PTPRD: variants seen among roughly 807,000 people sequenced by gnomAD.
PTPRD encodes the protein receptor-type tyrosine-protein phosphatase delta.
PTPRD carries 34 observed loss-of-function variants against 214.5 expected under a neutral mutation model. That is an observed-to-expected ratio of 0.16 (90% CI 0.12 to 0.21). The LOEUF (loss-of-function observed/expected upper bound fraction) is 0.21, where lower values mean the gene tolerates loss of function less well. Among genes scored for constraint, PTPRD ranks in the 10% least tolerant of loss-of-function variants. The pLI is 1.00. For synonymous variants in PTPRD, 1,128 were observed against 845.7 expected, an observed-to-expected ratio of 1.33 and a Z score of -5.79; for missense variants, 2,545 against 2,398.7, an observed-to-expected ratio of 1.06 and a Z score of -1.27.
At chr9:8,743,095 A>T (rs1344399150) in intron 11 of PTPRD, among the ~76,000 whole-genome samples, 2 of 128,150 alleles carry the variant, frequency 1.6e-5, no homozygotes, top group African/African-American at 2.7e-5. Flanking sequence ...CAGAGGAAAA[A>T]TTCCAAATTA....
At chr9:10,095,303 A>C (rs914963340) in intron 3 of PTPRD, among the ~76,000 whole-genome samples, 2 of 151,540 alleles carry the variant, frequency 1.3e-5, no homozygotes, top group African/African-American at 4.8e-5. Flanking sequence ...GATGGAGCAT[A>C]ATATAGACTA....
chr9:9,458,381 T>A (rs1294980238), intron 8 of PTPRD, among the ~76,000 whole-genome samples: 1 of 152,126 alleles, frequency 6.6e-6, no homozygotes, highest in Non-Finnish European at 1.5e-5. Flanking sequence ...TATTTTTTAC[T>A]AACATTGTAT....
At chr9:8,754,866 C>G (rs2093852518) in intron 11 of PTPRD, among the ~76,000 whole-genome samples, 1 of 152,148 alleles carries the variant, frequency 6.6e-6, no homozygotes, top group Non-Finnish European at 1.5e-5. Flanking sequence ...TATTCTCTAT[C>G]CTTTTGGGGA....
intron 8 of PTPRD, among the ~76,000 whole-genome samples, chr9:9,462,404 T>G (rs1311441136): frequency 6.6e-6 from 1 of 152,108 alleles, no homozygotes; most frequent in African/African-American, 2.4e-5. Flanking sequence ...ACTAAAAGAT[T>G]TTGCAGAAAG....
chr9:8,918,110 A>C (rs934501974), intron 11 of PTPRD, among the ~76,000 whole-genome samples: 3 of 152,062 alleles, frequency 2.0e-5, no homozygotes, highest in African/African-American at 7.2e-5. Context: ...AATCACACTC[A>C]CCTGCTCGAG....
chr9:8,930,770 T>C, intron 11 of PTPRD, among the ~76,000 whole-genome samples: 1 of 152,326 alleles, frequency 6.6e-6, no homozygotes, highest in Non-Finnish European at 1.5e-5. Context: ...TTTTGAGAAG[T>C]GTCTGTTCAT....
chr9:9,755,065 T>C (rs1446248701), intron 6 of PTPRD, among the ~76,000 whole-genome samples: 1 of 151,964 alleles, frequency 6.6e-6, no homozygotes, highest in Non-Finnish European at 1.5e-5. Context: ...ATTTAAGGAA[T>C]AAGAAATTTT....
intron 3 of PTPRD, among the ~76,000 whole-genome samples, chr9:10,140,617 A>G (rs1043748842): frequency 6.6e-6 from 1 of 152,144 alleles, no homozygotes; most frequent in Non-Finnish European, 1.5e-5. Context: ...ATAGCTTACC[A>G]ACGAAAAAAG....
intron 2 of PTPRD, among the ~76,000 whole-genome samples, chr9:10,371,513 C>A (rs2097618443): frequency 6.6e-6 from 1 of 152,118 alleles, no homozygotes; most frequent in East Asian, 1.9e-4. Flanking sequence ...CTGCTCCAAA[C>A]TGAACAAGTT....
chr9:9,776,506 A>G (rs188923614), intron 5 of PTPRD, among the ~76,000 whole-genome samples: 1 of 152,332 alleles, frequency 6.6e-6, no homozygotes, highest in East Asian at 1.9e-4. Flanking sequence ...CACAACAGAC[A>G]CTGAGAAAAC....
Position 8,861,918 on chromosome 9 carries a change from A to G in PTPRD, c.-103-127972T>C, listed in dbSNP as rs568737136. The G allele has an allele frequency of 3.9e-5, 6 of 152,350 alleles. No individual in the cohort carries two copies. The South Asian group carries it at 1.2e-3, about 32-fold the overall frequency. The allele number at this position is 152,350 out of a possible 1,614,324, so 9.4% of individuals were successfully genotyped here. A position where few individuals can be genotyped will look rare whatever the true frequency, so the allele number is the denominator to read the frequency against. ...TATTGACTTACTGCTAAATACATAA[A>G]TGAAACAATAATAGTTTCAGTCCTC... On this transcript the variant is annotated intron_variant, in intron 11 of 45. Transcript: ENST00000381196.
chr9:8,978,152 C>A (rs909938726), intron 11 of PTPRD, among the ~76,000 whole-genome samples: 2 of 151,972 alleles, frequency 1.3e-5, no homozygotes, highest in Admixed American at 1.3e-4. Flanking sequence ...AAGTAATTAA[C>A]GTAAATTTTG....
At position 10,378,200 on chromosome 9, in the gene PTPRD, T is replaced by C. The variant is rs188240342; in HGVS notation, c.-599-37183A>G. Among the ~76,000 whole-genome samples, 5 of 152,226 alleles carry C rather than the reference T, an allele frequency of 3.3e-5. No individual in the cohort carries two copies. The East Asian group carries it at 9.7e-4, about 29-fold the overall frequency. ...CCTTTTCATATGCCTGCTTCTTAAATGTTCTGGTTATTTATCTCTTGTCTG... is the reference window on the plus strand; with the variant it reads ...CCTTTTCATATGCCTGCTTCTTAAACGTTCTGGTTATTTATCTCTTGTCTG... On this transcript the variant is annotated intron_variant, in intron 2 of 45. Transcript: ENST00000381196.
chr9:9,699,861 C>A (rs891059225), intron 7 of PTPRD, among the ~76,000 whole-genome samples: 1 of 152,124 alleles, frequency 6.6e-6, no homozygotes, highest in African/African-American at 2.4e-5. Flanking sequence ...GTCAGCATAC[C>A]AGCTGCTCAT....
At chr9:10,006,872 G>A (rs190630100) in intron 4 of PTPRD, among the ~76,000 whole-genome samples, 1 of 151,742 alleles carries the variant, frequency 6.6e-6, no homozygotes, top group South Asian at 2.1e-4. Context: ...ATGGAACAAG[G>A]CTATTCTGAC....
intron 30 of PTPRD, among the ~76,000 whole-genome samples, chr9:8,475,622 A>G (rs1433133168): frequency 6.6e-6 from 1 of 152,212 alleles, no homozygotes; most frequent in Non-Finnish European, 1.5e-5. Context: ...GGTTAAAATA[A>G]AAGAAATAAT....
intron 11 of PTPRD, among the ~76,000 whole-genome samples, chr9:8,763,215 T>A (rs1456827081): frequency 6.6e-6 from 1 of 152,120 alleles, no homozygotes; most frequent in Non-Finnish European, 1.5e-5. Context: ...AAGACTCCAG[T>A]CATAAATAAT....
chr9:9,909,352 TTAAC>T (rs2078523681), intron 5 of PTPRD, among the ~76,000 whole-genome samples: 3 of 151,434 alleles, frequency 2.0e-5, no homozygotes, highest in African/African-American at 4.8e-5. Flanking sequence ...TCCTATTAAT[TTAAC>T]TAACAAGATT....
intron 43 of PTPRD, among the ~76,000 whole-genome samples, chr9:8,337,696 CTTCTT>C (rs754815422): frequency 1.3e-5 from 2 of 151,582 alleles, no homozygotes; most frequent in Non-Finnish European, 2.9e-5. Flanking sequence ...CGGTTTCAAT[CTTCTT>C]TTGTTTATTG....
Sources: gnomAD v4.1 joint callset for allele counts (sites outside exome capture counted in the v4.1 genomes callset) on GRCh38, gnomAD v4.1.1 for gene constraint, MANE v1.5 for transcripts, NCBI Gene and HGNC (gene_info 2026-07-23, HGNC 2026-07-21) for gene names.